ZC3HAV1L: variants seen among roughly 807,000 people sequenced by gnomAD.
The protein encoded by ZC3HAV1L is zinc finger CCCH-type antiviral protein 1-like.
ZC3HAV1L carries 23 observed loss-of-function variants against 28.2 expected under a neutral mutation model. That is an observed-to-expected ratio of 0.82 (90% confidence interval 0.59 to 1.16). ZC3HAV1L has a LOEUF of 1.16. Ranked by LOEUF, ZC3HAV1L falls within the 50% of genes most tolerant of loss-of-function variation. ZC3HAV1L has a pLI of 0.00. For synonymous variants in ZC3HAV1L, 180 were observed against 163.4 expected, an observed-to-expected ratio of 1.10 and a Z score of -0.78; for missense variants, 376 against 387.7, an observed-to-expected ratio of 0.97 and a Z score of 0.25.
At chr7:139,024,986 AGAGCAGGGAGGAAGG>A (rs756257413), downstream of ZC3HAV1L, among the ~76,000 whole-genome samples, 36 of 136,900 alleles carry the variant, frequency 2.6e-4, no homozygotes, top group South Asian at 1.1e-3. Context: ...GGGTAGGTGG[AGAGCAGGGAGGAAGG>A]GAGAAGGGAG....
intron 2 of ZC3HAV1L, among the ~76,000 whole-genome samples, chr7:139,031,796 T>C (rs1380494865): frequency 6.6e-6 from 1 of 151,670 alleles, no homozygotes; most frequent in Non-Finnish European, 1.5e-5. Flanking sequence ...TCCCAGCTAC[T>C]TGGGAGGCTG....
intron 2 of ZC3HAV1L, chr7:139,033,729 A>T (rs1815606554): frequency 1.0e-6 from 1 of 985,260 alleles, no homozygotes; most frequent in Non-Finnish European, 1.2e-6. Context: ...CAAAATAAAA[A>T]CACTAAACTT....
downstream of ZC3HAV1L, among the ~76,000 whole-genome samples, chr7:139,022,868 G>A (rs1815272571): frequency 6.6e-6 from 1 of 152,126 alleles, no homozygotes. Context: ...AAGAAGGAAT[G>A]GCACTTATAA....
intron 3 of ZC3HAV1L, 62 bp from the exon 4 acceptor site, chr7:139,026,895 C>T (rs1815370133): frequency 4.5e-6 from 7 of 1,552,382 alleles, no homozygotes; most frequent in Non-Finnish European, 1.7e-6. Flanking sequence ...ACGTTGGGAG[C>T]AACAGCCCAG....
intron 1 of ZC3HAV1L, chr7:139,034,955 G>A: frequency 1.0e-6 from 1 of 985,454 alleles, no homozygotes; most frequent in Non-Finnish European, 1.2e-6. Context: ...GTAGGCGACT[G>A]CACCTGGCCT....
At chr7:139,033,710 T>C in intron 2 of ZC3HAV1L, 1 of 984,982 alleles carries the variant, frequency 1.0e-6, no homozygotes, top group Non-Finnish European at 1.2e-6. Flanking sequence ...AAACATTCGA[T>C]AGATTTGACA....
intron 3 of ZC3HAV1L, among the ~76,000 whole-genome samples, chr7:139,028,372 C>A (rs1339979747): frequency 1.4e-4 from 17 of 118,874 alleles, no homozygotes; most frequent in Non-Finnish European, 2.2e-4. Context: ...GACTCTGTCT[C>A]AAAAAAAAAA....
intron 1 of ZC3HAV1L, chr7:139,035,308 C>T (rs893138833): frequency 2.0e-6 from 2 of 985,292 alleles, no homozygotes; most frequent in African/African-American, 3.5e-5. Flanking sequence ...ACGCCCCACG[C>T]CCCCCACCTC....
In ZC3HAV1L at chr7:139,034,616, T is replaced by C. The variant is rs374925078; in HGVS notation, c.428A>G (p.His143Arg). Reference sequence around the variant, plus strand: ...GTTTTCATTGAGACCAAAAAGTCCATGGCTTTTCAGGACCTGCATGTTGAC... The same window carrying C: ...GTTTTCATTGAGACCAAAAAGTCCACGGCTTTTCAGGACCTGCATGTTGAC... ...TPVNMQVLKS[H>R]GLFGLNENQL... The change falls in exon 2 of 5, where the codon CAT (histidine) becomes CGT (arginine). Residue 143 changes from histidine to arginine, a missense_variant. Coordinates refer to ENST00000275766, the MANE Select transcript of ZC3HAV1L (RefSeq NM_080660.4). 3.4e-5 allele frequency: 55 copies of C among 1,613,904 alleles called. 1 individual carries two copies. Among genetic ancestry groups the C allele is most frequent in the Non-Finnish European group, 4.4e-5 (52 of 1,179,964 alleles).
chr7:139,028,488 G>A (rs1327602235), intron 3 of ZC3HAV1L, among the ~76,000 whole-genome samples: 2 of 151,810 alleles, frequency 1.3e-5, no homozygotes, highest in South Asian at 2.1e-4. Flanking sequence ...CAGTGCTAAA[G>A]ATAAACTCCA....
At chr7:139,023,193 A>C (rs1815282263), downstream of ZC3HAV1L, among the ~76,000 whole-genome samples, 1 of 151,474 alleles carries the variant, frequency 6.6e-6, no homozygotes, top group African/African-American at 2.4e-5. Flanking sequence ...AAAAAAAAAA[A>C]AAAAAAAAAC....
intron 2 of ZC3HAV1L, chr7:139,034,136 G>A: frequency 1.0e-6 from 1 of 985,356 alleles, no homozygotes; most frequent in Non-Finnish European, 1.2e-6. Flanking sequence ...CTTTCTAGAC[G>A]CTGAAATGCA....
chr7:139,022,071 G>GA (rs931721588), downstream of ZC3HAV1L, among the ~76,000 whole-genome samples: 12 of 151,928 alleles, frequency 7.9e-5, no homozygotes, highest in African/African-American at 2.9e-4. Flanking sequence ...CAAGTATAAT[G>GA]AAAAAAATCA....
At chr7:139,031,908 AAAAC>A (rs1219090635) in intron 2 of ZC3HAV1L, among the ~76,000 whole-genome samples, 4 of 152,120 alleles carry the variant, frequency 2.6e-5, no homozygotes, top group Admixed American at 6.6e-5. Flanking sequence ...CCATCTCAAA[AAAAC>A]AAAACAAAAA....
At chr7:139,031,679 C>T (rs150083271) in intron 2 of ZC3HAV1L, among the ~76,000 whole-genome samples, 4 of 152,210 alleles carry the variant, frequency 2.6e-5, no homozygotes, top group East Asian at 1.9e-4. Flanking sequence ...CCAAGGTGGG[C>T]GGATCACTTG....
At chr7:139,029,004 T>C (rs1452920649) in intron 2 of ZC3HAV1L, 44 bp from the exon 3 acceptor site, 1 of 1,579,568 alleles carries the variant, frequency 6.3e-7, no homozygotes, top group Admixed American at 1.8e-5. Context: ...AGTTTTTCTT[T>C]TTTTTTTGGC....
rs1213827313 is a variant in ZC3HAV1L at position 139,033,792 on chromosome 7, G to A, written c.501+751C>T. 10 of 985,192 alleles carry A rather than the reference G, an allele frequency of 1.0e-5. No homozygotes were observed. The Admixed American group carries it at 3.7e-4, about 36-fold the overall frequency. 61.0% of individuals were successfully genotyped at this position (985,192 alleles called of 1,614,324 possible). ...AAAAGGCAAATAGCAGCGGCACCAC[G>A]CCTTCTCTCTGAGACAGGAAGGACT... On this transcript the variant is annotated intron_variant, in intron 2 of 4. Coordinates refer to ENST00000275766, the MANE Select transcript of ZC3HAV1L (RefSeq NM_080660.4).
At chr7:139,034,900 G>C (rs1815652824) in intron 1 of ZC3HAV1L, 1 of 985,434 alleles carries the variant, frequency 1.0e-6, no homozygotes, top group Non-Finnish European at 1.2e-6. Flanking sequence ...GGGATGCTTT[G>C]AAGCCAAGGG....
At position 139,030,510 on chromosome 7, in the gene ZC3HAV1L, G is replaced by C. The variant is rs181675621; in HGVS notation, c.502-1550C>G. On this transcript the variant is annotated intron_variant, in intron 2 of 4. Transcript: ENST00000275766. The stretch of plus-strand genomic sequence containing the variant: ...AGATTGCGCCACTGCACTCCAGCCT[G>C]GGCGACAGAGCGAGACTCCATTTCA... Among the ~76,000 whole-genome samples, 6 of 152,170 alleles carry C rather than the reference G, an allele frequency of 3.9e-5. No homozygotes were observed. The East Asian group carries it at 9.7e-4, about 25-fold the overall frequency.
Sources: gnomAD v4.1 joint callset for allele counts (sites outside exome capture counted in the v4.1 genomes callset) on GRCh38, gnomAD v4.1.1 for gene constraint, MANE v1.5 for transcripts, NCBI Gene and HGNC (gene_info 2026-07-23, HGNC 2026-07-21) for gene names.